IL17RD: variants seen among roughly 807,000 people sequenced by gnomAD.
IL17RD encodes interleukin-17 receptor D.
In IL17RD, 52 loss-of-function variants were observed where a neutral mutation model predicts 80.5. The observed-to-expected ratio is 0.65, with a 90% CI of 0.52 to 0.81. The LOEUF is 0.81. Ranked by LOEUF, IL17RD falls within the 40% of genes least tolerant of loss-of-function variation. The pLI is 0.00. For missense variants in IL17RD, 1,024 were observed against 955.1 expected (o/e 1.07, Z -0.95); for synonymous variants, 416 against 391.8 (o/e 1.06, Z -0.73).
intron 2 of IL17RD, among the ~76,000 whole-genome samples, chr3:57,117,874 G>A (rs544467348): frequency 6.6e-6 from 1 of 152,278 alleles, no homozygotes; most frequent in African/African-American, 2.4e-5. Context: ...CGTCTCAGGA[G>A]TCAATACAAG....
At chr3:57,163,683 T>G (rs894358581) in intron 1 of IL17RD, among the ~76,000 whole-genome samples, 2 of 151,758 alleles carry the variant, frequency 1.3e-5, no homozygotes, top group Non-Finnish European at 2.9e-5. Flanking sequence ...TAAAATTTTT[T>G]TAAACAATAA....
chr3:57,165,435 CT>C, upstream of IL17RD: 1 of 564,436 alleles, frequency 1.8e-6, no homozygotes, highest in Non-Finnish European at 2.4e-6. Context: ...CGCCCCCACC[CT>C]CAGTCCTCGT....
At chr3:57,130,805 G>A (rs1197965199) in intron 1 of IL17RD, among the ~76,000 whole-genome samples, 2 of 152,182 alleles carry the variant, frequency 1.3e-5, no homozygotes, top group African/African-American at 4.8e-5. Flanking sequence ...TTGAGTGTGT[G>A]TGTTGTCAGT....
At chr3:57,134,478 A>G in intron 1 of IL17RD, 1 of 923,216 alleles carries the variant, frequency 1.1e-6, no homozygotes, top group Non-Finnish European at 1.8e-6. Flanking sequence ...ATCTAAGAAG[A>G]TTGATCACCA....
chr3:57,169,345 C>T (rs1248367311), upstream of IL17RD: 11 of 466,232 alleles, frequency 2.4e-5, no homozygotes, highest in East Asian at 6.3e-5. Context: ...CTGTCTGGCA[C>T]GCTTCAGTGG....
intron 1 of IL17RD, among the ~76,000 whole-genome samples, chr3:57,143,779 G>A (rs878879599): frequency 6.6e-6 from 1 of 152,224 alleles, no homozygotes; most frequent in Non-Finnish European, 1.5e-5. Flanking sequence ...GGGCAGTGAT[G>A]TTCGGGTGGA....
intron 1 of IL17RD, among the ~76,000 whole-genome samples, chr3:57,121,619 C>A (rs1436588993): frequency 2.0e-5 from 3 of 152,214 alleles, no homozygotes; most frequent in African/African-American, 7.2e-5. Context: ...AGCCTCTCTT[C>A]CCCACATATA....
At chr3:57,167,173 C>T (rs1482685363), upstream of IL17RD, among the ~76,000 whole-genome samples, 2 of 152,160 alleles carry the variant, frequency 1.3e-5, no homozygotes, top group East Asian at 1.9e-4. Context: ...ACAGCATCCA[C>T]CTCAAGACCC....
intron 1 of IL17RD, among the ~76,000 whole-genome samples, chr3:57,146,922 A>G (rs1707943606): frequency 6.9e-6 from 1 of 144,144 alleles, no homozygotes. Flanking sequence ...CCTGGGTTCA[A>G]GCAATTATCC....
At chr3:57,152,646 A>G (rs1176023224) in intron 1 of IL17RD, among the ~76,000 whole-genome samples, 1 of 152,230 alleles carries the variant, frequency 6.6e-6, no homozygotes, top group African/African-American at 2.4e-5. Flanking sequence ...ACCAATATTA[A>G]CTTTACATGT....
At chr3:57,136,655 A>G (rs1271608995) in intron 1 of IL17RD, among the ~76,000 whole-genome samples, 1 of 151,610 alleles carries the variant, frequency 6.6e-6, no homozygotes, top group African/African-American at 2.4e-5. Flanking sequence ...AAAAAAAAAA[A>G]AAAAAAAAAC....
At chr3:57,154,725 A>C (rs182738024) in intron 1 of IL17RD, among the ~76,000 whole-genome samples, 1 of 152,328 alleles carries the variant, frequency 6.6e-6, no homozygotes, top group East Asian at 1.9e-4. Flanking sequence ...GAGGCCCTGA[A>C]GCAGTCTTCC....
At chr3:57,169,594 G>A (rs2060361289), upstream of IL17RD, among the ~76,000 whole-genome samples, 1 of 152,184 alleles carries the variant, frequency 6.6e-6, no homozygotes, top group South Asian at 2.1e-4. Context: ...GAATCATTTT[G>A]AGCAGGGAAT....
At chr3:57,136,445 C>T (rs1435552786) in intron 1 of IL17RD, among the ~76,000 whole-genome samples, 4 of 152,014 alleles carry the variant, frequency 2.6e-5, no homozygotes, top group Admixed American at 6.6e-5. Context: ...CCAGCCTGGA[C>T]TCCATCTCAT....
chr3:57,102,251 C>G (rs958637181), intron 10 of IL17RD, among the ~76,000 whole-genome samples: 1 of 152,208 alleles, frequency 6.6e-6, no homozygotes, highest in African/African-American at 2.4e-5. Context: ...GCCTGGGCAA[C>G]AGAGCGAGAC....
chr3:57,148,324 CAA>C (rs34343372), intron 1 of IL17RD, among the ~76,000 whole-genome samples: 31 of 103,996 alleles, frequency 3.0e-4, no homozygotes, highest in Non-Finnish European at 2.4e-4. Flanking sequence ...GACTCTATCT[CAA>C]AAAAAAAAAA....
chr3:57,103,179 T>A (rs1410243281), intron 8 of IL17RD, 34 bp from the exon 9 acceptor site: 6 of 1,535,740 alleles, frequency 3.9e-6, no homozygotes, highest in South Asian at 1.2e-5. Flanking sequence ...TATTTTTTTT[T>A]AAAGTGATAT....
chr3:57,113,072 C>T (rs1707133948), intron 3 of IL17RD, among the ~76,000 whole-genome samples: 1 of 152,130 alleles, frequency 6.6e-6, no homozygotes, highest in African/African-American at 2.4e-5. Context: ...CAAACCCAGG[C>T]CCACCTGAAC....
chr3:57,099,929 CA>C (rs1370741811), intron 11 of IL17RD, among the ~76,000 whole-genome samples: 1 of 152,122 alleles, frequency 6.6e-6, no homozygotes, highest in African/African-American at 2.4e-5. Flanking sequence ...GCCCCAAAGG[CA>C]AAACTGTACG....
Sources: gnomAD v4.1 joint callset for allele counts (sites outside exome capture counted in the v4.1 genomes callset) on GRCh38, gnomAD v4.1.1 for gene constraint, MANE v1.5 for transcripts, NCBI Gene and HGNC (gene_info 2026-07-23, HGNC 2026-07-21) for gene names.